KLHL1: variants seen among roughly 807,000 people sequenced by gnomAD.
KLHL1 encodes the protein kelch-like protein 1.
KLHL1 carries 47 observed loss-of-function variants against 77.7 expected under a neutral mutation model. The observed-to-expected ratio is 0.60, with a 90% CI of 0.48 to 0.77. The LOEUF (loss-of-function observed/expected upper bound fraction) is 0.77, where lower values mean the gene tolerates loss of function less well. Ranked by LOEUF, KLHL1 falls within the 30% of genes least tolerant of loss-of-function variation. The pLI, the probability that KLHL1 is intolerant of heterozygous loss-of-function variation, is 0.00. For missense variants in KLHL1, 925 were observed against 910.8 expected (o/e 1.02, Z -0.20); for synonymous variants, 360 against 325.2 (o/e 1.11, Z -1.15).
At chr13:69,748,970 A>G (rs7989992) in intron 7 of KLHL1, among the ~76,000 whole-genome samples, 1 of 151,714 alleles carries the variant, frequency 6.6e-6, no homozygotes, top group African/African-American at 2.4e-5. Context: ...TTAAATATCT[A>G]TGTTTTGAAA....
At chr13:70,037,113 A>G (rs1479503182) in intron 1 of KLHL1, among the ~76,000 whole-genome samples, 1 of 151,972 alleles carries the variant, frequency 6.6e-6, no homozygotes, top group African/African-American at 2.4e-5. Flanking sequence ...TGTAATGCCA[A>G]TTTTACTTAG....
chr13:69,937,711 C>A (rs895350439), intron 4 of KLHL1, among the ~76,000 whole-genome samples: 2 of 152,112 alleles, frequency 1.3e-5, no homozygotes, highest in Non-Finnish European at 2.9e-5. Flanking sequence ...CAAGCTGAGT[C>A]ACCTTCCCAA....
At chr13:69,713,976 G>A (rs1279950823) in intron 9 of KLHL1, among the ~76,000 whole-genome samples, 2 of 152,076 alleles carry the variant, frequency 1.3e-5, no homozygotes, top group Non-Finnish European at 2.9e-5. Context: ...TATTCAGGGT[G>A]TTTCAGGCTC....
chr13:69,947,028 TTGTGTGTGTGTGTGTGTGTGTGTGTGTG>T (rs59606834), intron 3 of KLHL1, among the ~76,000 whole-genome samples: 4 of 145,900 alleles, frequency 2.7e-5, no homozygotes, highest in African/African-American at 7.7e-5. Context: ...TGTGTGTGTG[TTGTGTGTGTGTGTGTGTGTGTGTGTGTG>T]TGTGTGTGTG....
At chr13:69,825,720 G>A (rs1878517295) in intron 6 of KLHL1, among the ~76,000 whole-genome samples, 2 of 152,084 alleles carry the variant, frequency 1.3e-5, no homozygotes, top group South Asian at 4.1e-4. Context: ...CAGGACTACA[G>A]GGCTGAGGTG....
At chr13:69,998,032 G>A (rs1391842099) in intron 1 of KLHL1, among the ~76,000 whole-genome samples, 1 of 151,806 alleles carries the variant, frequency 6.6e-6, no homozygotes, top group Non-Finnish European at 1.5e-5. Flanking sequence ...CTGCAATACT[G>A]TTTTCTATGG....
At chr13:70,080,858 C>G (rs1887376093) in intron 1 of KLHL1, among the ~76,000 whole-genome samples, 1 of 152,138 alleles carries the variant, frequency 6.6e-6, no homozygotes, top group Non-Finnish European at 1.5e-5. Context: ...GCCTCAGCCT[C>G]CCAAAGTGCT....
rs534867269 is a variant in KLHL1, at chr13:69,719,871, T to C, written c.1803-290A>G. Reference sequence around the variant, plus strand: ...AATTGCATACTGCAAAAATAAGTAATATTAGTATATTAGTTTAATAAATAT... The same window carrying C: ...AATTGCATACTGCAAAAATAAGTAACATTAGTATATTAGTTTAATAAATAT... On this transcript the variant is annotated intron_variant, in intron 8 of 10. Transcript: ENST00000377844. Among the ~76,000 whole-genome samples, 696 of 151,944 alleles carry C rather than the reference T, an allele frequency of 4.6e-3. 5 individuals are homozygous for C. Among genetic ancestry groups the C allele is most frequent in the Non-Finnish European group, 7.3e-3 (499 of 67,970 alleles).
intron 7 of KLHL1, among the ~76,000 whole-genome samples, chr13:69,755,613 C>T (rs1327097837): frequency 6.6e-6 from 1 of 151,834 alleles, no homozygotes; most frequent in African/African-American, 2.4e-5. Context: ...GTAACTAATA[C>T]ATCTTTATAT....
intron 1 of KLHL1, among the ~76,000 whole-genome samples, chr13:70,065,726 C>G (rs1446198733): frequency 6.6e-6 from 1 of 152,060 alleles, no homozygotes; most frequent in African/African-American, 2.4e-5. Context: ...CTGTCCAAAC[C>G]AGAACATTTG....
chr13:69,776,928 A>G (rs1428151182), intron 7 of KLHL1, among the ~76,000 whole-genome samples: 3 of 152,166 alleles, frequency 2.0e-5, no homozygotes, highest in Non-Finnish European at 2.9e-5. Context: ...ATAAAAGGTT[A>G]TCAGGTTAGT....
chr13:69,736,038 G>A (rs1873747899), intron 8 of KLHL1, among the ~76,000 whole-genome samples: 1 of 151,906 alleles, frequency 6.6e-6, no homozygotes, highest in African/African-American at 2.4e-5. Context: ...TAAATAAATG[G>A]GACTTAATTA....
At chr13:69,717,117 T>C (rs955654723) in intron 9 of KLHL1, among the ~76,000 whole-genome samples, 11 of 152,256 alleles carry the variant, frequency 7.2e-5, no homozygotes, top group African/African-American at 2.6e-4. Flanking sequence ...ATTATATAAC[T>C]GTATTTAACA....
At chr13:69,809,181 T>C (rs959997355) in intron 6 of KLHL1, among the ~76,000 whole-genome samples, 7 of 152,014 alleles carry the variant, frequency 4.6e-5, no homozygotes, top group Admixed American at 2.6e-4. Flanking sequence ...CCTGAAGAGG[T>C]AGACATGTAA....
At chr13:70,089,499 C>T (rs1471643814) in intron 1 of KLHL1, among the ~76,000 whole-genome samples, 1 of 151,988 alleles carries the variant, frequency 6.6e-6, no homozygotes, top group Non-Finnish European at 1.5e-5. Flanking sequence ...AAATACACAC[C>T]TCCAGATTGT....
At chr13:69,941,095 T>C (rs1883352620) in intron 3 of KLHL1, among the ~76,000 whole-genome samples, 1 of 151,990 alleles carries the variant, frequency 6.6e-6, no homozygotes. Flanking sequence ...ACCTAAACTA[T>C]ACCCTAAAAC....
intron 7 of KLHL1, among the ~76,000 whole-genome samples, chr13:69,770,357 C>G (rs112617712): frequency 6.6e-6 from 1 of 152,228 alleles, no homozygotes; most frequent in Admixed American, 6.5e-5. Context: ...CATGCAGAAG[C>G]TTTGCTGGCC....
chr13:70,077,290 A>T (rs1363716026), intron 1 of KLHL1, among the ~76,000 whole-genome samples: 2 of 151,972 alleles, frequency 1.3e-5, no homozygotes, highest in African/African-American at 4.8e-5. Flanking sequence ...AAAAGATATG[A>T]GCTCTTAAGT....
At chr13:69,798,862 G>C (rs1029045728) in intron 6 of KLHL1, among the ~76,000 whole-genome samples, 5 of 152,024 alleles carry the variant, frequency 3.3e-5, no homozygotes, top group African/African-American at 1.2e-4. Flanking sequence ...GAGGTCAGGA[G>C]ACTGAGACCA....
Sources: allele counts gnomAD v4.1 joint callset (sites outside exome capture counted in the v4.1 genomes callset), GRCh38; gene constraint gnomAD v4.1.1; transcripts MANE v1.5; gene names NCBI Gene and HGNC (gene_info 2026-07-23, HGNC 2026-07-21).